FAF1: variants seen among roughly 807,000 people sequenced by gnomAD.
FAF1 encodes FAS-associated factor 1.
A neutral mutation model predicts 92.5 loss-of-function variants in FAF1; 25 were observed. That is an observed-to-expected ratio of 0.27 (90% CI 0.20 to 0.38). FAF1 has a LOEUF of 0.38. Among genes scored for constraint, FAF1 ranks in the 10% least tolerant of loss-of-function variants. The pLI is 1.00. For missense variants in FAF1, 636 were observed against 793.3 expected, an observed-to-expected ratio of 0.80 and a Z score of 2.38; for synonymous variants, 234 against 273.2, an observed-to-expected ratio of 0.86 and a Z score of 1.42.
At chr1:50,765,511 A>G (rs1365376773) in intron 4 of FAF1, among the ~76,000 whole-genome samples, 7 of 152,204 alleles carry the variant, frequency 4.6e-5, no homozygotes, top group African/African-American at 1.4e-4. Context: ...ATATAGTCCA[A>G]TTATTTCCAT....
At chr1:50,546,681 C>T (rs958340045) in intron 13 of FAF1, among the ~76,000 whole-genome samples, 4 of 152,120 alleles carry the variant, frequency 2.6e-5, no homozygotes, top group Non-Finnish European at 5.9e-5. Flanking sequence ...TGTTTATATA[C>T]AAAATAACCT....
At chr1:50,886,592 T>C (rs543095801) in intron 1 of FAF1, among the ~76,000 whole-genome samples, 61 of 151,526 alleles carry the variant, frequency 4.0e-4, no homozygotes, top group Admixed American at 2.4e-3. Context: ...TGTGTTCTCA[T>C]TGATCAATTC....
chr1:50,684,185 A>G (rs1223547702), intron 7 of FAF1, among the ~76,000 whole-genome samples: 1 of 151,878 alleles, frequency 6.6e-6, no homozygotes, highest in Non-Finnish European at 1.5e-5. Flanking sequence ...TAACAAGGTG[A>G]TAATAGACAG....
intron 15 of FAF1, among the ~76,000 whole-genome samples, chr1:50,513,034 C>T (rs1647157322): frequency 6.6e-6 from 1 of 152,090 alleles, no homozygotes. Context: ...CCAGAGCAAG[C>T]CTCTAGGTTT....
rs374396881 is a variant in FAF1 at position 50,801,598 on chromosome 1, G to A, written c.161+33C>T. The stretch of plus-strand genomic sequence containing the variant: ...CTAGCTCTGTTCTTTGTTCTGCTAA[G>A]TCATCTTAACTGGTAAGCACTTTAT... On this transcript the variant is annotated intron_variant, in intron 3 of 18. Coordinates refer to ENST00000396153, the MANE Select transcript of FAF1 (RefSeq NM_007051.3). 34 of 1,270,166 alleles carry A rather than the reference G, an allele frequency of 2.7e-5. No homozygotes were observed. The African/African-American group carries it at 5.0e-4, about 19-fold the overall frequency. 78.7% of individuals were successfully genotyped at this position (1,270,166 alleles called of 1,614,324 possible).
chr1:50,446,385 T>C (rs1646227500), intron 18 of FAF1, among the ~76,000 whole-genome samples: 1 of 152,212 alleles, frequency 6.6e-6, no homozygotes, highest in Admixed American at 6.5e-5. Context: ...ACTTTTTGAG[T>C]GCTGACATGA....
At chr1:50,547,175 G>A (rs1302943918) in intron 13 of FAF1, among the ~76,000 whole-genome samples, 1 of 151,992 alleles carries the variant, frequency 6.6e-6, no homozygotes, top group East Asian at 1.9e-4. Context: ...TTACAGGCAT[G>A]AGCCACCACA....
intron 18 of FAF1, among the ~76,000 whole-genome samples, chr1:50,464,876 A>T (rs563982518): frequency 6.6e-6 from 1 of 152,336 alleles, no homozygotes; most frequent in Middle Eastern, 3.4e-3. Context: ...TAGAACAAAG[A>T]TCTGTCTGAC....
At chr1:50,521,975 G>T (rs1394879702) in intron 15 of FAF1, among the ~76,000 whole-genome samples, 1 of 152,196 alleles carries the variant, frequency 6.6e-6, no homozygotes, top group Non-Finnish European at 1.5e-5. Flanking sequence ...AACTTCTACT[G>T]TGAGGTGTCA....
chr1:50,806,007 A>C (rs1662182590), intron 2 of FAF1, among the ~76,000 whole-genome samples: 1 of 152,228 alleles, frequency 6.6e-6, no homozygotes, highest in African/African-American at 2.4e-5. Context: ...ATGAAAAATA[A>C]AGAATTGCTA....
At chr1:50,908,479 G>C (rs1009336821) in intron 1 of FAF1, among the ~76,000 whole-genome samples, 1 of 152,142 alleles carries the variant, frequency 6.6e-6, no homozygotes, top group Non-Finnish European at 1.5e-5. Flanking sequence ...GGGTGTTAAA[G>C]TCTCCCATTA....
chr1:50,516,582 G>C (rs1647229343), intron 15 of FAF1, among the ~76,000 whole-genome samples: 1 of 152,172 alleles, frequency 6.6e-6, no homozygotes, highest in Non-Finnish European at 1.5e-5. Flanking sequence ...TCCCTCCAAA[G>C]TGAAGAGGGA....
intron 1 of FAF1, among the ~76,000 whole-genome samples, chr1:50,955,363 C>T (rs2124767372): frequency 6.6e-6 from 1 of 152,360 alleles, no homozygotes; most frequent in South Asian, 2.1e-4. Flanking sequence ...ACACCCCCTC[C>T]TGGCTCTGGC....
intron 17 of FAF1, 129 bp downstream of exon 17, chr1:50,490,459 G>A (rs12098011): frequency 0.042 from 8,357 of 200,610 alleles, 294 homozygotes; most frequent in African/African-American, 0.12. Flanking sequence ...AAGGAAGGAA[G>A]GAAAAAGAAA....
At position 50,925,578 on chromosome 1, in the gene FAF1, T is replaced by A. The variant is rs568648844; in HGVS notation, c.45+34189A>T. ...ATCTCACCCCGCTCAGAATGGCTAT[T>A]ATCAAAGACAAAAAATTACAAATGC... On this transcript the variant is annotated intron_variant, in intron 1 of 18. Coordinates refer to ENST00000396153, the MANE Select transcript of FAF1 (RefSeq NM_007051.3). Among the ~76,000 whole-genome samples, 20 of 152,264 alleles carry A rather than the reference T, an allele frequency of 1.3e-4. No individual in the cohort carries two copies. The South Asian group carries it at 3.7e-3, about 28-fold the overall frequency.
intron 18 of FAF1, among the ~76,000 whole-genome samples, chr1:50,457,086 A>C (rs1646361371): frequency 2.6e-5 from 4 of 151,790 alleles, no homozygotes; most frequent in Admixed American, 2.6e-4. Flanking sequence ...ACAGTAAAGA[A>C]TGCATGCATG....
intron 17 of FAF1, among the ~76,000 whole-genome samples, chr1:50,482,236 A>C (rs1181565785): frequency 2.0e-5 from 3 of 152,152 alleles, no homozygotes; most frequent in African/African-American, 7.2e-5. Flanking sequence ...ATGTTACATA[A>C]ATGACTTCCT....
At chr1:50,475,363 T>G in intron 18 of FAF1, 101 bp downstream of exon 18, 2 of 844,156 alleles carry the variant, frequency 2.4e-6, no homozygotes, top group Non-Finnish European at 3.8e-6. Context: ...TGTCTTGTAG[T>G]TGCCTGCACC....
chr1:50,445,047 T>G (rs536450403), intron 18 of FAF1, among the ~76,000 whole-genome samples: 48 of 152,320 alleles, frequency 3.2e-4, no homozygotes, highest in Non-Finnish European at 6.3e-4. Context: ...TCCAAGCACT[T>G]TAATATAAAA....
Sources: gnomAD v4.1 joint callset for allele counts (sites outside exome capture counted in the v4.1 genomes callset) on GRCh38, gnomAD v4.1.1 for gene constraint, MANE v1.5 for transcripts, NCBI Gene and HGNC (gene_info 2026-07-23, HGNC 2026-07-21) for gene names.